The following RERG variants were observed in gnomAD, a reference collection of about 807,000 sequenced individuals.
RERG encodes RAS like estrogen regulated growth inhibitor.
A neutral mutation model predicts 23.2 loss-of-function variants in RERG; 25 were observed. That is an observed-to-expected ratio of 1.08 (90% CI 0.79 to 1.50). The LOEUF is 1.50. Ranked by LOEUF, RERG falls within the 40% of genes most tolerant of loss-of-function variation. The pLI is 0.00. For synonymous variants in RERG, 81 were observed against 89.1 expected, an observed-to-expected ratio of 0.91 and a Z score of 0.51; for missense variants, 253 against 250.1, an observed-to-expected ratio of 1.01 and a Z score of -0.08.
Position 15,109,188 on chromosome 12 carries a change from C to T in RERG, c.522G>A (p.Gln174=). The change falls in exon 5 of 5, where the codon CAG becomes CAA. Residue 174 remains glutamine, a synonymous_variant. Transcript: ENST00000256953. ...TGGAGCTGCGTCGCCTCGTCTTGCC[C>T]TGCACCATCCTCCGGCGACGCACCT... ...CREVRRRRMV[Q]GKTRRRSSTT... 6.2e-7 allele frequency: 1 copy of T among 1,613,752 alleles called. No individual in the cohort carries two copies. Among genetic ancestry groups the T allele is most frequent in the East Asian group, 2.2e-5 (1 of 44,864 alleles).
chr12:15,168,868 T>C (rs17835058), intron 2 of RERG, among the ~76,000 whole-genome samples: 26,811 of 152,242 alleles, frequency 0.18, 2,608 homozygotes, highest in South Asian at 0.25. Flanking sequence ...TGCAGATTCT[T>C]ATTGTCTTCT....
At chr12:15,190,573 T>C (rs1030999028) in intron 2 of RERG, among the ~76,000 whole-genome samples, 1 of 152,086 alleles carries the variant, frequency 6.6e-6, no homozygotes, top group African/African-American at 2.4e-5. Context: ...CCAGTTCTGA[T>C]AGAGCCAAAG....
intron 2 of RERG, among the ~76,000 whole-genome samples, chr12:15,126,389 G>C (rs1038184225): frequency 1.3e-5 from 2 of 151,836 alleles, no homozygotes; most frequent in Non-Finnish European, 2.9e-5. Flanking sequence ...TAACACACGT[G>C]ATGTGCTAAC....
At chr12:15,201,563 A>T (rs1330109338) in intron 2 of RERG, among the ~76,000 whole-genome samples, 2 of 149,182 alleles carry the variant, frequency 1.3e-5, no homozygotes, top group Non-Finnish European at 3.0e-5. Flanking sequence ...ATAGTAATTA[A>T]TAATAATAAT....
chr12:15,117,628 G>T (rs1324552607), intron 3 of RERG, among the ~76,000 whole-genome samples: 1 of 151,764 alleles, frequency 6.6e-6, no homozygotes, highest in East Asian at 1.9e-4. Context: ...GATAGAGGCT[G>T]AAATACAGTC....
intron 2 of RERG, among the ~76,000 whole-genome samples, chr12:15,148,852 T>G (rs1168834695): frequency 5.0e-5 from 3 of 59,630 alleles, no homozygotes; most frequent in East Asian, 4.0e-4. Flanking sequence ...ACTCTGTTTT[T>G]TTTTTTTTTT....
At chr12:15,189,488 G>A (rs1186789997) in intron 2 of RERG, among the ~76,000 whole-genome samples, 1 of 151,962 alleles carries the variant, frequency 6.6e-6, no homozygotes, top group African/African-American at 2.4e-5. Context: ...TGGTTATTCT[G>A]TTAAAAATTG....
intron 2 of RERG, among the ~76,000 whole-genome samples, chr12:15,216,917 A>G (rs1368480106): frequency 6.6e-6 from 1 of 152,202 alleles, no homozygotes; most frequent in Admixed American, 6.5e-5. Context: ...GCTTGAGAGC[A>G]TGCACTCCTA....
intron 2 of RERG, chr12:15,137,758 C>T (rs1317765122): frequency 5.3e-6 from 2 of 377,274 alleles, no homozygotes; most frequent in Admixed American, 3.3e-5. Flanking sequence ...ACATTGTTTC[C>T]TTTACTACAT....
rs1591635400 is a variant in RERG, at chr12:15,121,261, T to A, written c.62-142A>T. ...GATATATAAAACAAATAAATTTTTT[T>A]ATGTTTATTCAAGTAATTTTCCAAT... On this transcript the variant is annotated intron_variant, in intron 2 of 4. Coordinates refer to ENST00000256953, the MANE Select transcript of RERG (RefSeq NM_032918.3). 7 of 632,384 alleles carry A rather than the reference T, an allele frequency of 1.1e-5. No individual in the cohort carries two copies. In the East Asian group the frequency reaches 1.4e-4, roughly 13 times the overall value. 39.2% of individuals were successfully genotyped at this position (632,384 alleles called of 1,614,324 possible). A position where few individuals can be genotyped will look rare whatever the true frequency, so the allele number is the denominator to read the frequency against.
Position 15,108,321 on chromosome 12 carries a change from A to G in RERG, c.*789T>C, listed in dbSNP as rs1408226867. On this transcript the variant is annotated 3_prime_UTR_variant, in exon 5 of 5. Transcript: ENST00000256953. ...AAACAAATCAGATGTCTCTAATTCT[A>G]CATCTTCTACTAGCATTCAATAAAG... 6.6e-6 allele frequency: 1 copy of G among 152,266 alleles called. No individual in the cohort carries two copies. The highest frequency in any genetic ancestry group is 1.5e-5 in the Non-Finnish European group (1 of 68,024). 9.4% of individuals were successfully genotyped at this position (152,266 alleles called of 1,614,324 possible). A position where few individuals can be genotyped will look rare whatever the true frequency, so the allele number is the denominator to read the frequency against.
At chr12:15,203,414 A>T (rs1865243750) in intron 2 of RERG, among the ~76,000 whole-genome samples, 1 of 151,606 alleles carries the variant, frequency 6.6e-6, no homozygotes, top group Admixed American at 6.6e-5. Context: ...TAGGTATAGA[A>T]GGAATGTGCC....
At chr12:15,159,488 A>G (rs1591652381) in intron 2 of RERG, among the ~76,000 whole-genome samples, 1 of 152,232 alleles carries the variant, frequency 6.6e-6, no homozygotes, top group Non-Finnish European at 1.5e-5. Context: ...AATAAAAGTT[A>G]TTGATTTGGA....
intron 2 of RERG, among the ~76,000 whole-genome samples, chr12:15,190,369 T>C (rs1211502468): frequency 6.6e-6 from 1 of 152,164 alleles, no homozygotes; most frequent in Non-Finnish European, 1.5e-5. Flanking sequence ...GAATTTGTTT[T>C]GGGCTGCATT....
At chr12:15,163,179 G>GTTA (rs1367569250) in intron 2 of RERG, among the ~76,000 whole-genome samples, 1 of 152,138 alleles carries the variant, frequency 6.6e-6, no homozygotes, top group Non-Finnish European at 1.5e-5. Context: ...CCAAGCAGAC[G>GTTA]TTATCCCTGC....
At chr12:15,213,133 AAT>A (rs1159665047) in intron 2 of RERG, among the ~76,000 whole-genome samples, 1 of 152,258 alleles carries the variant, frequency 6.6e-6, no homozygotes, top group African/African-American at 2.4e-5. Flanking sequence ...CCTTTCAAGC[AAT>A]ATAGTTAGCT....
intron 2 of RERG, among the ~76,000 whole-genome samples, chr12:15,122,438 C>T (rs958986272): frequency 1.3e-5 from 2 of 152,110 alleles, no homozygotes; most frequent in East Asian, 1.9e-4. Context: ...ATGAGGACTT[C>T]GCAAAACAGA....
chr12:15,180,956 A>T (rs1864915506), intron 2 of RERG, among the ~76,000 whole-genome samples: 1 of 152,228 alleles, frequency 6.6e-6, no homozygotes, highest in African/African-American at 2.4e-5. Context: ...TAGCATGTAC[A>T]AATGATTAAT....
chr12:15,124,240 A>C (rs1401717713), intron 2 of RERG, among the ~76,000 whole-genome samples: 1 of 152,166 alleles, frequency 6.6e-6, no homozygotes, highest in Non-Finnish European at 1.5e-5. Context: ...ATTTCTAAAA[A>C]TTAACCAATC....
Sources: allele counts gnomAD v4.1 joint callset (sites outside exome capture counted in the v4.1 genomes callset), GRCh38; gene constraint gnomAD v4.1.1; transcripts MANE v1.5; gene names NCBI Gene and HGNC (gene_info 2026-07-23, HGNC 2026-07-21).